LAMA3: variants seen among roughly 807,000 people sequenced by gnomAD.
LAMA3 encodes the protein laminin subunit alpha 3.
Under a neutral mutation model 402.0 loss-of-function variants are expected in LAMA3, and 281 were observed. That is an observed-to-expected ratio of 0.70 (90% CI 0.63 to 0.77). The LOEUF is 0.77. Among genes scored for constraint, LAMA3 ranks in the 30% least tolerant of loss-of-function variants. The probability of loss-of-function intolerance (pLI) is 0.00; values close to 1 mark genes in which losing one functional copy is unlikely to be tolerated. For synonymous variants in LAMA3, 1,431 were observed against 1,558.4 expected, an observed-to-expected ratio of 0.92 and a Z score of 1.93; for missense variants, 3,840 against 4,215.5, an observed-to-expected ratio of 0.91 and a Z score of 2.47.
At chr18:23,772,757 G>C (rs1216843338) in intron 8 of LAMA3, among the ~76,000 whole-genome samples, 2 of 152,142 alleles carry the variant, frequency 1.3e-5, no homozygotes, top group African/African-American at 2.4e-5. Flanking sequence ...ACTTCTTATT[G>C]CCTTTCTTTT....
chr18:23,920,598 G>T (rs1364304565), intron 60 of LAMA3, among the ~76,000 whole-genome samples: 1 of 152,128 alleles, frequency 6.6e-6, no homozygotes, highest in African/African-American at 2.4e-5. Flanking sequence ...CTCTCTAAAA[G>T]GCACTCATAT....
intron 4 of LAMA3, among the ~76,000 whole-genome samples, chr18:23,750,335 G>A (rs562303845): frequency 4.6e-5 from 7 of 151,702 alleles, no homozygotes; most frequent in African/African-American, 1.2e-4. Context: ...ATGTGTATGC[G>A]GTATCTTCTG....
rs1440327399 is a variant in LAMA3 at position 23,827,302 on chromosome 18, C to T, written c.2670-12C>T. ...GTAACTATTGATTCCATTGTTGTTG[C>T]TGTTGTTGAAGTTGCTTACTCTACC... On this transcript the variant is annotated splice_polypyrimidine_tract_variant and intron_variant, in intron 22 of 74. Transcript: ENST00000313654. 9 of 1,613,882 alleles carry T rather than the reference C, an allele frequency of 5.6e-6. No homozygotes were observed. Among genetic ancestry groups the T allele is most frequent in the Non-Finnish European group, 7.6e-6 (9 of 1,179,866 alleles).
At position 23,781,902 on chromosome 18, in the gene LAMA3, A is replaced by G. The variant is rs1022565931; in HGVS notation, c.1469-2121A>G. On this transcript the variant is annotated intron_variant, in intron 11 of 74. Transcript: ENST00000313654. ...CATATTCTAAATCCCTTCACTTCCA[A>G]TGCTGTTTTTGTCAAATTAGGCAAC... 2.0e-5 allele frequency among the ~76,000 whole-genome samples: 3 copies of G among 152,192 alleles called. No individual in the cohort carries two copies. In the East Asian group the frequency reaches 5.8e-4, roughly 29 times the overall value.
At chr18:23,723,470 A>G (rs143408354) in intron 2 of LAMA3, among the ~76,000 whole-genome samples, 1 of 152,252 alleles carries the variant, frequency 6.6e-6, no homozygotes, top group East Asian at 1.9e-4. Context: ...TAAACTAGCT[A>G]GACTGTATGG....
At chr18:23,863,002 GGAGAGAGA>G (rs754611681) in intron 35 of LAMA3, among the ~76,000 whole-genome samples, 2 of 148,728 alleles carry the variant, frequency 1.3e-5, no homozygotes, top group Middle Eastern at 3.5e-3. Context: ...ACAGGGTGGG[GGAGAGAGA>G]GAGAGAGAGA....
intron 8 of LAMA3, among the ~76,000 whole-genome samples, chr18:23,766,731 C>T (rs1036870062): frequency 1.3e-5 from 2 of 151,756 alleles, no homozygotes; most frequent in Admixed American, 6.6e-5. Flanking sequence ...CCCAGATACT[C>T]GGGAGGCTGA....
chr18:23,834,274 T>C, intron 24 of LAMA3: 1 of 406,622 alleles, frequency 2.5e-6, no homozygotes, highest in East Asian at 5.6e-5. Flanking sequence ...TTTGATTCTC[T>C]ATCACTCAGG....
intron 36 of LAMA3, among the ~76,000 whole-genome samples, chr18:23,865,904 C>T (rs925564818): frequency 1.3e-5 from 2 of 152,296 alleles, no homozygotes; most frequent in Non-Finnish European, 2.9e-5. Flanking sequence ...GATGCTATAA[C>T]AGGATTTTTA....
In LAMA3 at chr18:23,895,071, C is replaced by A. The variant is rs766241071; in HGVS notation, c.5613+13C>A. On this transcript the variant is annotated intron_variant, in intron 44 of 74. Coordinates refer to ENST00000313654, the MANE Select transcript of LAMA3 (RefSeq NM_198129.4). ...CAAGGACCTGAGGGTAAATCCCCTGCGGCCGAGAGTAGACACGTGGGGAGG... is the reference window on the plus strand; with the variant it reads ...CAAGGACCTGAGGGTAAATCCCCTGAGGCCGAGAGTAGACACGTGGGGAGG... 5.7e-6 allele frequency: 9 copies of A among 1,581,010 alleles called. No individual in the cohort carries two copies. Among genetic ancestry groups the A allele is most frequent in the South Asian group, 3.4e-5 (3 of 87,066 alleles).
chr18:23,784,036 T>C lies in LAMA3; in HGVS notation c.1482T>C (p.Asn494=). Residue 494 remains asparagine (N), a synonymous_variant, in exon 12 of 75, where the codon AAT becomes AAC. Transcript: ENST00000313654. ...TGTCTTCTGCAGGGTGTGACTGTAA[T>C]CTGGAAGGTGTTCTCCCTGAAATAT... ...VAGDIKGCDC[N]LEGVLPEICD... is the part of the protein sequence containing the mutation. 1.9e-6 allele frequency: 3 copies of C among 1,614,118 alleles called. No homozygotes were observed. Among genetic ancestry groups the C allele is most frequent in the South Asian group, 1.1e-5 (1 of 91,068 alleles).
chr18:23,779,560 T>C (rs1291271789), intron 11 of LAMA3, among the ~76,000 whole-genome samples: 1 of 151,906 alleles, frequency 6.6e-6, no homozygotes, highest in Non-Finnish European at 1.5e-5. Flanking sequence ...GAGGGAAAGA[T>C]TAAAACAAGA....
chr18:23,741,919 C>T (rs1439010315), intron 2 of LAMA3, among the ~76,000 whole-genome samples: 2 of 151,952 alleles, frequency 1.3e-5, no homozygotes, highest in South Asian at 2.1e-4. Flanking sequence ...GTCAGGAGTT[C>T]GAGACCAGCC....
At chr18:23,847,181 C>T (rs1356566683) in intron 31 of LAMA3, among the ~76,000 whole-genome samples, 1 of 152,218 alleles carries the variant, frequency 6.6e-6, no homozygotes, top group Non-Finnish European at 1.5e-5. Flanking sequence ...TTTCCAGAAT[C>T]CTTCAATGGT....
intron 67 of LAMA3, among the ~76,000 whole-genome samples, chr18:23,935,710 A>G (rs1249771989): frequency 6.6e-6 from 1 of 152,206 alleles, no homozygotes; most frequent in Non-Finnish European, 1.5e-5. Context: ...TAAATGAAGT[A>G]ATAAACACAA....
Position 23,954,902 on chromosome 18 carries a change from G to A in LAMA3, c.*254G>A. 5 of 438,264 alleles carry A rather than the reference G, an allele frequency of 1.1e-5. No homozygotes were observed. Among genetic ancestry groups the A allele is most frequent in the African/African-American group, 2.0e-5 (1 of 50,414 alleles). 27.1% of individuals were successfully genotyped at this position (438,264 alleles called of 1,614,324 possible). A position where few individuals can be genotyped will look rare whatever the true frequency, so the allele number is the denominator to read the frequency against. ...AAATTGTTATGCACAGAATGTTTTT[G>A]GTAATATTAATTTCCACTAAAAAAT... On this transcript the variant is annotated 3_prime_UTR_variant, in exon 75 of 75. Coordinates refer to ENST00000313654, the MANE Select transcript of LAMA3 (RefSeq NM_198129.4).
At position 23,939,230 on chromosome 18, in the gene LAMA3, A is replaced by C. The variant is rs1568368128; in HGVS notation, c.8870A>C (p.Gln2957Pro). Residue 2957 changes from glutamine to proline, a missense_variant, in exon 68 of 75, where the codon CAG (glutamine) becomes CCG (proline). Coordinates refer to ENST00000313654, the MANE Select transcript of LAMA3 (RefSeq NM_198129.4). ...TKTFRINQLL[Q>P]DTPVASPRSV... Reference sequence around the variant, plus strand: ...TGCTCTTTTCCCATGCAGCTGTTGCAGGACACACCAGTGGCCTCCCCAAGG... The same window carrying C: ...TGCTCTTTTCCCATGCAGCTGTTGCCGGACACACCAGTGGCCTCCCCAAGG... 1 of 1,614,076 alleles carries C rather than the reference A, an allele frequency of 6.2e-7. No homozygotes were observed. Among genetic ancestry groups the C allele is most frequent in the East Asian group, 2.2e-5 (1 of 44,882 alleles).
chr18:23,742,636 T>G (rs1005391815), intron 2 of LAMA3, among the ~76,000 whole-genome samples: 1 of 143,578 alleles, frequency 7.0e-6, no homozygotes, highest in African/African-American at 2.7e-5. Context: ...TAACTTCCTT[T>G]CAAAGAATCA....
At position 23,845,359 on chromosome 18, in the gene LAMA3, G is replaced by T. The variant is rs184745358; in HGVS notation, c.3719+235G>T. 2.6e-5 allele frequency among the ~76,000 whole-genome samples: 4 copies of T among 152,328 alleles called. No individual in the cohort carries two copies. In the East Asian group the frequency reaches 7.7e-4, roughly 29 times the overall value. On this transcript the variant is annotated intron_variant, in intron 30 of 74. Coordinates refer to ENST00000313654, the MANE Select transcript of LAMA3 (RefSeq NM_198129.4). ...TGTCCTCAGCTATGAACTCAACGGG[G>T]GTCCGTACCCCAAGCTGAGATTCAG...
Sources: gnomAD v4.1 joint callset for allele counts (sites outside exome capture counted in the v4.1 genomes callset) on GRCh38, gnomAD v4.1.1 for gene constraint, MANE v1.5 for transcripts, NCBI Gene and HGNC (gene_info 2026-07-23, HGNC 2026-07-21) for gene names.